The following AGMO variants were observed in gnomAD, a reference collection of about 807,000 sequenced individuals.
The protein encoded by AGMO is glyceryl-ether monooxygenase.
A neutral mutation model predicts 60.2 loss-of-function variants in AGMO; 75 were observed. That is an observed-to-expected ratio of 1.25 (90% CI 1.03 to 1.51). The LOEUF is 1.51. AGMO is among the 40% of genes most tolerant of loss of function. AGMO has a pLI of 0.00. For synonymous variants in AGMO, 261 were observed against 177.1 expected (o/e 1.47, Z -3.76); for missense variants, 763 against 525.5 (o/e 1.45, Z -4.42).
intron 12 of AGMO, 132 bp downstream of exon 12, chr7:15,365,380 TAA>T (rs60202363): frequency 0.069 from 15,137 of 219,172 alleles, 8 homozygotes; most frequent in South Asian, 0.1. Flanking sequence ...TACTGGTAAG[TAA>T]AAAAAAAAAA....
chr7:15,272,767 T>A (rs6461165), intron 12 of AGMO, among the ~76,000 whole-genome samples: 30,444 of 152,108 alleles, frequency 0.2, 3,362 homozygotes, highest in South Asian at 0.33. Flanking sequence ...GTGTTCCTAT[T>A]TCTCCACATT....
intron 2 of AGMO, among the ~76,000 whole-genome samples, chr7:15,559,056 C>G (rs1302372034): frequency 2.6e-5 from 4 of 152,062 alleles, no homozygotes; most frequent in Non-Finnish European, 4.4e-5. Context: ...AAGATGACTT[C>G]CATTTATTGG....
chr7:15,509,737 A>G lies in AGMO; in HGVS notation c.409+35035T>C, dbSNP rs145804252. On this transcript the variant is annotated intron_variant, in intron 3 of 12. Coordinates refer to ENST00000342526, the MANE Select transcript of AGMO (RefSeq NM_001004320.2). ...GTAAAAAAATCCAAATGACCTGATT[A>G]AAAAATGGGCAAAGGACCTGAATAG... is the stretch of plus-strand genomic sequence containing the variant. 6.7e-3 allele frequency among the ~76,000 whole-genome samples: 1,028 copies of G among 152,298 alleles called. 11 individuals carry two copies. Among genetic ancestry groups the G allele is most frequent in the African/African-American group, 0.024 (978 of 41,584 alleles).
intron 3 of AGMO, among the ~76,000 whole-genome samples, chr7:15,444,151 A>AT (rs140414168): frequency 0.016 from 2,469 of 152,202 alleles, 70 homozygotes; most frequent in African/African-American, 0.056. Context: ...TATCGAATAT[A>AT]TTTTTTTAAT....
chr7:15,480,111 T>C (rs565171251), intron 3 of AGMO, among the ~76,000 whole-genome samples: 1 of 152,236 alleles, frequency 6.6e-6, no homozygotes, highest in South Asian at 2.1e-4. Flanking sequence ...GAGCCTGAAA[T>C]AAAAGGCATA....
intron 3 of AGMO, among the ~76,000 whole-genome samples, chr7:15,534,715 A>T (rs1009857619): frequency 2.6e-5 from 4 of 151,892 alleles, no homozygotes; most frequent in African/African-American, 9.7e-5. Flanking sequence ...ACATTTGTAC[A>T]TATACACAAA....
downstream of AGMO, among the ~76,000 whole-genome samples, chr7:15,196,293 C>G (rs887584337): frequency 1.3e-5 from 2 of 152,220 alleles, no homozygotes; most frequent in East Asian, 3.9e-4. Flanking sequence ...ATGTGATCCA[C>G]CCAACTTGGC....
intron 3 of AGMO, among the ~76,000 whole-genome samples, chr7:15,494,654 C>T (rs1188985860): frequency 6.6e-6 from 1 of 152,162 alleles, no homozygotes; most frequent in Non-Finnish European, 1.5e-5. Context: ...TTTCCTCGTC[C>T]ATTTGATAGT....
chr7:15,492,050 C>T (rs769398366), intron 3 of AGMO, among the ~76,000 whole-genome samples: 1 of 152,182 alleles, frequency 6.6e-6, no homozygotes, highest in Non-Finnish European at 1.5e-5. Context: ...GCAACACCAA[C>T]AGTGGTAGCA....
At chr7:15,383,119 T>C (rs776355873) in intron 10 of AGMO, among the ~76,000 whole-genome samples, 2 of 152,060 alleles carry the variant, frequency 1.3e-5, no homozygotes, top group Non-Finnish European at 2.9e-5. Flanking sequence ...ATTCGTTCAG[T>C]GATGTACAGA....
chr7:15,158,446 T>A, the AGMO span, among the ~76,000 whole-genome samples: 1 of 151,840 alleles, frequency 6.6e-6, no homozygotes, highest in African/African-American at 2.4e-5. Context: ...AACAACAACA[T>A]ATAATGTCAA....
chr7:15,475,593 G>A (rs915351070), intron 3 of AGMO, among the ~76,000 whole-genome samples: 7 of 151,954 alleles, frequency 4.6e-5, no homozygotes, highest in Non-Finnish European at 8.8e-5. Flanking sequence ...TGTAGATGAT[G>A]GGTTGATGGG....
intron 12 of AGMO, among the ~76,000 whole-genome samples, chr7:15,251,599 G>A (rs1782940700): frequency 6.6e-6 from 1 of 152,176 alleles, no homozygotes; most frequent in African/African-American, 2.4e-5. Flanking sequence ...TATTAGTAGG[G>A]TGACTTTTTG....
At chr7:15,320,590 T>G (rs1452251048) in intron 12 of AGMO, among the ~76,000 whole-genome samples, 1 of 152,124 alleles carries the variant, frequency 6.6e-6, no homozygotes, top group East Asian at 1.9e-4. Flanking sequence ...GAGTATTAAA[T>G]ATAAACTTAA....
chr7:15,496,779 A>G (rs1783244584), intron 3 of AGMO, among the ~76,000 whole-genome samples: 1 of 152,196 alleles, frequency 6.6e-6, no homozygotes, highest in Non-Finnish European at 1.5e-5. Flanking sequence ...TCAATTGGTC[A>G]GAAATTGAAT....
chr7:15,247,478 A>AG lies in AGMO; in HGVS notation c.1264-46120dup, dbSNP rs1554401076. ...CACACACAGAGAGAGAGAGAGAGAG[A>AG]GGGAGAGAGAGGGAGAGAGAGACAG... is the stretch of plus-strand genomic sequence containing the variant. On this transcript the variant is annotated intron_variant, in intron 12 of 12. Coordinates refer to ENST00000342526, the MANE Select transcript of AGMO (RefSeq NM_001004320.2). 7.9e-4 allele frequency among the ~76,000 whole-genome samples: 116 copies of AG among 147,396 alleles called. 1 individual carries two copies. Among genetic ancestry groups the AG allele is most frequent in the African/African-American group, 3.0e-3 (114 of 38,554 alleles).
the AGMO span, among the ~76,000 whole-genome samples, chr7:15,121,307 A>C: frequency 1.3e-5 from 2 of 152,132 alleles, no homozygotes; most frequent in African/African-American, 4.8e-5. Flanking sequence ...TTTATAGTAG[A>C]ATGATTCATA....
chr7:15,396,354 C>G (rs985612043), intron 5 of AGMO: 1 of 152,148 alleles, frequency 6.6e-6, no homozygotes, highest in Non-Finnish European at 1.5e-5. Context: ...AGTATAGCTG[C>G]AGATCTTCAC....
intron 3 of AGMO, among the ~76,000 whole-genome samples, chr7:15,519,549 T>C (rs7789042): frequency 0.79 from 120,784 of 152,086 alleles, 48,118 homozygotes; most frequent in East Asian, 0.97. Flanking sequence ...TCCTATCCAG[T>C]GAAACTAAGC....
Sources: gnomAD v4.1 joint callset for allele counts (sites outside exome capture counted in the v4.1 genomes callset) on GRCh38, gnomAD v4.1.1 for gene constraint, MANE v1.5 for transcripts, NCBI Gene and HGNC (gene_info 2026-07-23, HGNC 2026-07-21) for gene names.